The following TNR variants were observed in gnomAD, a reference collection of about 807,000 sequenced individuals.
TNR encodes the protein tenascin R.
A neutral mutation model predicts 150.4 loss-of-function variants in TNR; 45 were observed. That is an observed-to-expected ratio of 0.30 (90% CI 0.24 to 0.38). TNR has a LOEUF of 0.38. TNR is among the 10% of genes least tolerant of loss of function. TNR has a pLI of 1.00. For synonymous variants in TNR, 687 were observed against 678.4 expected (o/e 1.01, Z -0.20); for missense variants, 1,544 against 1,759.1 (o/e 0.88, Z 2.19).
intron 1 of TNR, among the ~76,000 whole-genome samples, chr1:175,560,586 T>C (rs1244029186): frequency 6.6e-6 from 1 of 152,238 alleles, no homozygotes. Flanking sequence ...CCCATGCTAG[T>C]TTCTAGTGAC....
intron 14 of TNR, among the ~76,000 whole-genome samples, chr1:175,361,315 A>C (rs1651576386): frequency 6.6e-6 from 1 of 152,156 alleles, no homozygotes; most frequent in African/African-American, 2.4e-5. Flanking sequence ...CCTCAATGGG[A>C]AAAAGGCTAA....
At chr1:175,661,379 C>A (rs566792179) in intron 1 of TNR, among the ~76,000 whole-genome samples, 1 of 152,254 alleles carries the variant, frequency 6.6e-6, no homozygotes, top group South Asian at 2.1e-4. Context: ...TTAAGCCCCC[C>A]TAAATGTTGA....
intron 2 of TNR, among the ~76,000 whole-genome samples, chr1:175,493,090 A>G (rs995072366): frequency 2.0e-5 from 3 of 152,136 alleles, no homozygotes; most frequent in African/African-American, 7.2e-5. Flanking sequence ...GTCAGAAGGC[A>G]GGTGTCATTT....
chr1:175,449,416 G>A (rs1460798413), intron 2 of TNR, among the ~76,000 whole-genome samples: 2 of 152,050 alleles, frequency 1.3e-5, no homozygotes, highest in African/African-American at 4.8e-5. Flanking sequence ...ATGTCTTAAG[G>A]GCCATCATTC....
At chr1:175,632,943 T>C (rs941366924) in intron 1 of TNR, among the ~76,000 whole-genome samples, 1 of 152,168 alleles carries the variant, frequency 6.6e-6, no homozygotes, top group South Asian at 2.1e-4. Context: ...AAGGAACAAA[T>C]AGTCTTTGGT....
chr1:175,410,833 T>C (rs1654180012), intron 2 of TNR, among the ~76,000 whole-genome samples: 1 of 152,192 alleles, frequency 6.6e-6, no homozygotes, highest in Non-Finnish European at 1.5e-5. Context: ...AGTGGACATG[T>C]CATGTGAGAA....
chr1:175,502,074 G>A (rs1441334503), intron 2 of TNR, among the ~76,000 whole-genome samples: 1 of 152,152 alleles, frequency 6.6e-6, no homozygotes, highest in Non-Finnish European at 1.5e-5. Context: ...AGAACAATGG[G>A]TTCCAAACAG....
intron 2 of TNR, among the ~76,000 whole-genome samples, chr1:175,495,818 G>A (rs1187663755): frequency 6.6e-6 from 1 of 152,178 alleles, no homozygotes; most frequent in East Asian, 1.9e-4. Context: ...ACCTGCGTCA[G>A]GCATTTCACA....
At chr1:175,499,967 T>A (rs1571527076) in intron 2 of TNR, among the ~76,000 whole-genome samples, 1 of 152,274 alleles carries the variant, frequency 6.6e-6, no homozygotes, top group Admixed American at 6.5e-5. Context: ...GAAAATACAA[T>A]GCCTATGGTT....
intron 2 of TNR, among the ~76,000 whole-genome samples, chr1:175,518,628 C>T (rs1659507450): frequency 6.6e-6 from 1 of 152,156 alleles, no homozygotes; most frequent in Non-Finnish European, 1.5e-5. Flanking sequence ...CTGTATCACA[C>T]AGTCCCTCTT....
At chr1:175,331,041 C>CTTTCTTTCTTTCTTTCT (rs1649764744) in intron 20 of TNR, among the ~76,000 whole-genome samples, 1 of 75,858 alleles carries the variant, frequency 1.3e-5, no homozygotes, top group African/African-American at 4.6e-5. Flanking sequence ...TTCTTTCTTT[C>CTTTCTTTCTTTCTTTCT]TTTCTTTCTT....
chr1:175,388,051 G>A (rs1653013700), intron 7 of TNR, among the ~76,000 whole-genome samples: 1 of 152,186 alleles, frequency 6.6e-6, no homozygotes, highest in African/African-American at 2.4e-5. Flanking sequence ...TCAGCATGCT[G>A]CACTTGGTGG....
intron 1 of TNR, among the ~76,000 whole-genome samples, chr1:175,729,296 C>G (rs1204536773): frequency 6.6e-6 from 1 of 152,120 alleles, no homozygotes; most frequent in Non-Finnish European, 1.5e-5. Context: ...GGCATGGGAG[C>G]CTCCCAGCCT....
intron 1 of TNR, among the ~76,000 whole-genome samples, chr1:175,736,364 A>G (rs1410482231): frequency 2.6e-5 from 4 of 152,246 alleles, no homozygotes; most frequent in Admixed American, 2.6e-4. Context: ...TACTAAAAAT[A>G]CAAAAAATTA....
intron 1 of TNR, among the ~76,000 whole-genome samples, chr1:175,646,446 G>A (rs1664811073): frequency 6.6e-6 from 1 of 152,256 alleles, no homozygotes; most frequent in Admixed American, 6.5e-5. Context: ...CAATGGAAAA[G>A]CTTCATAAAG....
chr1:175,401,426 T>C (rs1044602542), intron 4 of TNR, among the ~76,000 whole-genome samples: 1 of 152,088 alleles, frequency 6.6e-6, no homozygotes, highest in Non-Finnish European at 1.5e-5. Flanking sequence ...TCCCAGAAGG[T>C]GCCTAGTGAC....
At chr1:175,510,551 T>G (rs1043640495) in intron 2 of TNR, among the ~76,000 whole-genome samples, 1 of 152,058 alleles carries the variant, frequency 6.6e-6, no homozygotes, top group East Asian at 1.9e-4. Flanking sequence ...ACCAGGTGAG[T>G]GGTTAGGTAA....
At chr1:175,614,292 GGCTGA>G (rs1663694085) in intron 1 of TNR, among the ~76,000 whole-genome samples, 2 of 152,090 alleles carry the variant, frequency 1.3e-5, no homozygotes, top group Non-Finnish European at 2.9e-5. Context: ...AGGGAAGCAA[GGCTGA>G]GCTGATATTG....
intron 1 of TNR, among the ~76,000 whole-genome samples, chr1:175,662,172 G>A (rs1665397164): frequency 6.6e-6 from 1 of 152,144 alleles, no homozygotes; most frequent in Admixed American, 6.5e-5. Context: ...ATCCAGATGT[G>A]GGCAAGAATA....
Sources: gnomAD v4.1 joint callset for allele counts (sites outside exome capture counted in the v4.1 genomes callset) on GRCh38, gnomAD v4.1.1 for gene constraint, MANE v1.5 for transcripts, NCBI Gene and HGNC (gene_info 2026-07-23, HGNC 2026-07-21) for gene names.